The following CALN1 variants were observed in gnomAD, a reference collection of about 807,000 sequenced individuals.
CALN1 encodes calcium-binding protein 8.
A neutral mutation model predicts 30.6 loss-of-function variants in CALN1; 17 were observed. The ratio of observed to expected loss-of-function variants is 0.56; its 90% CI spans 0.38 to 0.83. The LOEUF (loss-of-function observed/expected upper bound fraction) is 0.83, where lower values mean the gene tolerates loss of function less well. Among genes scored for constraint, CALN1 ranks in the 40% least tolerant of loss-of-function variants. The probability of loss-of-function intolerance (pLI) is 0.00; values close to 1 mark genes in which losing one functional copy is unlikely to be tolerated. For missense variants in CALN1, 291 were observed against 354.9 expected, an observed-to-expected ratio of 0.82 and a Z score of 1.45; for synonymous variants, 156 against 131.4, an observed-to-expected ratio of 1.19 and a Z score of -1.28.
At chr7:72,370,872 C>T (rs971256991) in intron 2 of CALN1, among the ~76,000 whole-genome samples, 1 of 151,672 alleles carries the variant, frequency 6.6e-6, no homozygotes, top group Non-Finnish European at 1.5e-5. Context: ...ATGGTGAAGC[C>T]GCATCTCTAC....
At chr7:72,205,896 T>G (rs1791841432) in intron 3 of CALN1, among the ~76,000 whole-genome samples, 1 of 152,080 alleles carries the variant, frequency 6.6e-6, no homozygotes. Flanking sequence ...TCCCAAATAT[T>G]AATACACTTC....
intron 2 of CALN1, among the ~76,000 whole-genome samples, chr7:72,280,753 A>C (rs1323962289): frequency 2.0e-5 from 3 of 152,156 alleles, no homozygotes; most frequent in African/African-American, 7.2e-5. Flanking sequence ...CAGTGTTGAG[A>C]GGTGGGACCT....
At chr7:72,458,254 T>TTATAATATATTA in the CALN1 span, among the ~76,000 whole-genome samples, 1 of 74,292 alleles carries the variant, frequency 1.3e-5, no homozygotes, top group African/African-American at 7.9e-5. Context: ...ATAATATATT[T>TTATAATATATTA]TATAATATAT....
intron 4 of CALN1, among the ~76,000 whole-genome samples, chr7:72,069,884 T>TA (rs777754718): frequency 1.5e-4 from 23 of 152,238 alleles, no homozygotes; most frequent in Non-Finnish European, 2.9e-4. Context: ...ATAAGTGGCA[T>TA]AATGAGTGCA....
intron 4 of CALN1, among the ~76,000 whole-genome samples, chr7:72,040,815 G>C (rs911692464): frequency 1.3e-5 from 2 of 152,126 alleles, no homozygotes; most frequent in Non-Finnish European, 2.9e-5. Flanking sequence ...GTGCAAGACA[G>C]GAAGAGAGGC....
intron 2 of CALN1, among the ~76,000 whole-genome samples, chr7:72,399,054 G>A (rs1157582618): frequency 6.6e-6 from 1 of 152,100 alleles, no homozygotes; most frequent in Non-Finnish European, 1.5e-5. Flanking sequence ...AGAAAAAGGA[G>A]TAGAAGAGAA....
At chr7:71,831,244 G>C (rs969685263) in intron 5 of CALN1, among the ~76,000 whole-genome samples, 1 of 152,152 alleles carries the variant, frequency 6.6e-6, no homozygotes, top group Non-Finnish European at 1.5e-5. Flanking sequence ...ATTTTGGAAG[G>C]CCGAGGCAGG....
chr7:72,368,443 G>T lies in CALN1; in HGVS notation c.119+34808C>A, dbSNP rs557581114. On this transcript the variant is annotated intron_variant, in intron 2 of 6. Transcript: ENST00000395275. ...GCCACATAGAAATGGGATTCTGCAC[G>T]ACTTTGGCTTCTTTTTGTGTGTATC... Among the ~76,000 whole-genome samples, 10 of 151,830 alleles carry T rather than the reference G, an allele frequency of 6.6e-5. No individual in the cohort carries two copies. The Admixed American group carries it at 6.6e-4, about 10-fold the overall frequency.
intron 3 of CALN1, among the ~76,000 whole-genome samples, chr7:72,130,786 C>T (rs772834391): frequency 1.3e-5 from 2 of 152,164 alleles, no homozygotes; most frequent in African/African-American, 4.8e-5. Context: ...AAAGTACACA[C>T]TAAATCATTA....
At chr7:71,802,892 G>A (rs1240294636) in intron 6 of CALN1, among the ~76,000 whole-genome samples, 2 of 151,848 alleles carry the variant, frequency 1.3e-5, no homozygotes, top group African/African-American at 2.4e-5. Flanking sequence ...GCATGGTGGC[G>A]CATGCCTGTT....
intron 4 of CALN1, among the ~76,000 whole-genome samples, chr7:72,028,319 G>T (rs960927026): frequency 4.6e-5 from 7 of 152,124 alleles, no homozygotes; most frequent in African/African-American, 1.7e-4. Context: ...CAGCAGTTTG[G>T]AACTGGTGCA....
intron 5 of CALN1, among the ~76,000 whole-genome samples, chr7:71,914,696 T>A (rs922251682): frequency 6.6e-6 from 1 of 152,196 alleles, no homozygotes; most frequent in East Asian, 1.9e-4. Context: ...CTACACAAAC[T>A]TGCCAGCATC....
intron 5 of CALN1, among the ~76,000 whole-genome samples, chr7:72,000,497 T>A (rs1305215508): frequency 1.3e-5 from 2 of 151,994 alleles, no homozygotes; most frequent in African/African-American, 4.8e-5. Context: ...TGAATGATGC[T>A]ACACCATTAA....
At chr7:72,418,620 G>C (rs888885) in intron 1 of CALN1, among the ~76,000 whole-genome samples, 120,682 of 151,620 alleles carry the variant, frequency 0.8, 48,194 homozygotes, top group East Asian at 0.99. Flanking sequence ...TAGCTTCCCC[G>C]CCCCGGCTCA....
intron 4 of CALN1, among the ~76,000 whole-genome samples, chr7:72,033,982 G>A (rs1047694205): frequency 2.0e-5 from 3 of 152,120 alleles, no homozygotes. Flanking sequence ...ACGAGACATG[G>A]CAACTGACTG....
chr7:72,254,968 T>G (rs1244093545), intron 3 of CALN1, among the ~76,000 whole-genome samples: 2 of 152,122 alleles, frequency 1.3e-5, no homozygotes, highest in Non-Finnish European at 2.9e-5. Context: ...ATTGTTTGTA[T>G]TTTTAGTAGA....
chr7:72,260,805 C>A (rs1796216702), intron 3 of CALN1, among the ~76,000 whole-genome samples: 1 of 152,100 alleles, frequency 6.6e-6, no homozygotes, highest in Admixed American at 6.6e-5. Flanking sequence ...CACCAGATGG[C>A]AGAGAAGCAA....
intron 5 of CALN1, among the ~76,000 whole-genome samples, chr7:71,815,815 C>T (rs1473838682): frequency 3.2e-5 from 4 of 124,038 alleles, no homozygotes; most frequent in East Asian, 6.0e-4. Context: ...GCCCTCCCTT[C>T]TTTTCTTCCT....
the CALN1 span, among the ~76,000 whole-genome samples, chr7:72,501,928 A>AATAT: frequency 6.6e-4 from 38 of 57,938 alleles, 4 homozygotes; most frequent in South Asian, 3.0e-3. Context: ...AAAAAAAAAA[A>AATAT]ATATATATAT....
Sources: allele counts gnomAD v4.1 joint callset (sites outside exome capture counted in the v4.1 genomes callset), GRCh38; gene constraint gnomAD v4.1.1; transcripts MANE v1.5; gene names NCBI Gene and HGNC (gene_info 2026-07-23, HGNC 2026-07-21).